The following METTL22 variants were observed in gnomAD, a reference collection of about 807,000 sequenced individuals.
METTL22 encodes methyltransferase 22, Kin17 lysine.
A neutral mutation model predicts 48.4 loss-of-function variants in METTL22; 51 were observed. That is an observed-to-expected ratio of 1.05 (90% CI 0.84 to 1.33). The LOEUF (loss-of-function observed/expected upper bound fraction) is 1.33. METTL22 is among the 40% of genes most tolerant of loss of function. METTL22 has a pLI of 0.00. For missense variants in METTL22, 678 were observed against 526.9 expected (o/e 1.29, Z -2.81); for synonymous variants, 255 against 214.1 (o/e 1.19, Z -1.67).
At chr16:8,632,495 T>A (rs1012064520) in intron 3 of METTL22, among the ~76,000 whole-genome samples, 1 of 152,210 alleles carries the variant, frequency 6.6e-6, no homozygotes, top group African/African-American at 2.4e-5. Context: ...TGTGAGCCAC[T>A]ACCCGGCCAT....
the METTL22 span, among the ~76,000 whole-genome samples, chr16:8,660,899 G>T: frequency 1.4e-5 from 2 of 143,368 alleles, no homozygotes; most frequent in Non-Finnish European, 3.1e-5. Context: ...GGAGGAGGAG[G>T]AGGAGGAGCT....
chr16:8,638,994 A>G, intron 5 of METTL22, 97 bp from the exon 6 acceptor site: 2 of 1,178,382 alleles, frequency 1.7e-6, no homozygotes, highest in Non-Finnish European at 2.5e-6. Context: ...TAATTTCTGC[A>G]GTTGTGCTGT....
intron 10 of METTL22, chr16:8,645,012 C>T (rs2056743239): frequency 4.0e-6 from 1 of 248,876 alleles, no homozygotes; most frequent in Non-Finnish European, 7.6e-6. Flanking sequence ...GGAGGCAAGA[C>T]CGAGGCAGAG....
At chr16:8,649,868 A>G (rs369853146), downstream of METTL22, among the ~76,000 whole-genome samples, 2 of 152,208 alleles carry the variant, frequency 1.3e-5, no homozygotes, top group African/African-American at 2.4e-5. Context: ...TCAAACTAGT[A>G]TGCACACGAA....
At chr16:8,665,551 G>T in the METTL22 span, among the ~76,000 whole-genome samples, 2 of 152,312 alleles carry the variant, frequency 1.3e-5, no homozygotes, top group East Asian at 3.9e-4. Flanking sequence ...GACTTTTCTC[G>T]TAGGACAGGT....
the METTL22 span, among the ~76,000 whole-genome samples, chr16:8,664,411 G>C: frequency 6.6e-6 from 1 of 151,906 alleles, no homozygotes; most frequent in Non-Finnish European, 1.5e-5. Flanking sequence ...CTCCCAAAGT[G>C]TTGGGATTAC....
At chr16:8,653,924 C>T (rs2056930940), downstream of METTL22, among the ~76,000 whole-genome samples, 1 of 152,080 alleles carries the variant, frequency 6.6e-6, no homozygotes, top group East Asian at 1.9e-4. Flanking sequence ...TGTGGAAAGC[C>T]TGACTTCAGA....
intron 2 of METTL22, among the ~76,000 whole-genome samples, chr16:8,628,297 G>A (rs1457131030): frequency 6.6e-6 from 1 of 152,216 alleles, no homozygotes; most frequent in Non-Finnish European, 1.5e-5. Flanking sequence ...ATGAATGAAT[G>A]GATGATCGGA....
rs1172441058 is a variant in METTL22 at position 8,629,004 on chromosome 16, A to C, written c.408A>C (p.Pro136=). ...CACGAGCCGCCTCTGATTCCAACCC[A>C]GCAGGGCCTCTGAGAGACAAGGTAC... The part of the protein sequence containing the change: ...RRPRAASDSN[P]AGPLRDKVHP... Residue 136 remains proline (P), a synonymous_variant, in exon 3 of 11, where the codon CCA becomes CCC. Transcript: ENST00000381920. 2 of 1,614,164 alleles carry C rather than the reference A, an allele frequency of 1.2e-6. No individual in the cohort carries two copies. Among genetic ancestry groups the C allele is most frequent in the Non-Finnish European group, 8.5e-7 (1 of 1,180,044 alleles).
chr16:8,644,768 T>G lies in METTL22; in HGVS notation c.1179+43T>G, dbSNP rs58228844. On this transcript the variant is annotated intron_variant, in intron 10 of 10. Coordinates refer to ENST00000381920, the MANE Select transcript of METTL22 (RefSeq NM_024109.4). ...AGCAGGGCCGTTGGTTGCTTTACTG[T>G]GAAGCGGGTGACTCCAGGGCAAAGA... is the stretch of plus-strand genomic sequence containing the variant. 125 of 1,490,750 alleles carry G rather than the reference T, an allele frequency of 8.4e-5. 1 individual carries two copies. The South Asian group carries it at 1.6e-3, about 19-fold the overall frequency. The allele number at this position is 1,490,750 out of a possible 1,614,324, so 92.3% of individuals were successfully genotyped here. A position where few individuals can be genotyped will look rare whatever the true frequency, so the allele number is the denominator to read the frequency against.
chr16:8,632,752 T>C (rs964306752), intron 3 of METTL22, among the ~76,000 whole-genome samples: 1 of 152,180 alleles, frequency 6.6e-6, no homozygotes, highest in Non-Finnish European at 1.5e-5. Context: ...AAACTGTAGC[T>C]CTGTCTCCAA....
Position 8,629,020 on chromosome 16 carries a change from G to C in METTL22, c.424G>C (p.Asp142His), listed in dbSNP as rs2056162578. ...SDSNPAGPLR[D>H]KVHPMILAQE... is the part of the protein sequence containing the mutation. ...TTCCAACCCAGCAGGGCCTCTGAGA[G>C]ACAAGGTACATCCCATGATTCTAGC... Residue 142 changes from aspartate (D) to histidine (H), a missense_variant, in exon 3 of 11, where the codon GAC becomes CAC. Coordinates refer to ENST00000381920, the MANE Select transcript of METTL22 (RefSeq NM_024109.4). 6.2e-7 allele frequency: 1 copy of C among 1,614,014 alleles called. No homozygotes were observed. Among genetic ancestry groups the C allele is most frequent in the Non-Finnish European group, 8.5e-7 (1 of 1,180,046 alleles).
At chr16:8,654,078 G>T (rs2141839994), downstream of METTL22, among the ~76,000 whole-genome samples, 1 of 152,288 alleles carries the variant, frequency 6.6e-6, no homozygotes, top group Middle Eastern at 3.4e-3. Flanking sequence ...GATCGAGATG[G>T]TGATAGCCAA....
chr16:8,653,692 G>A (rs1036776733), downstream of METTL22, among the ~76,000 whole-genome samples: 8 of 152,174 alleles, frequency 5.3e-5, no homozygotes, highest in African/African-American at 1.9e-4. Context: ...GAGTGGTAAT[G>A]ATTAAAATCC....
At chr16:8,631,942 T>G (rs116029926) in intron 3 of METTL22, 5,487 of 152,422 alleles carry the variant, frequency 0.036, 163 homozygotes, top group African/African-American at 0.076. Context: ...TGCAGCCACC[T>G]GGACCGCGCC....
In METTL22 at chr16:8,638,538, C is replaced by G. The variant is rs368655222; in HGVS notation, c.701-553C>G. 1.4e-3 allele frequency among the ~76,000 whole-genome samples: 208 copies of G among 152,170 alleles called. 9 individuals are homozygous for G. In the South Asian group the frequency reaches 0.038, roughly 28 times the overall value. ...GGGTGGCAGCAAAGTGAATCGCGCT[C>G]AAGAGAGTGGGCTCAGCCTGTTTGA... is the stretch of plus-strand genomic sequence containing the variant. On this transcript the variant is annotated intron_variant, in intron 5 of 10. Transcript: ENST00000381920.
chr16:8,624,511 C>A (rs541793112), intron 1 of METTL22, among the ~76,000 whole-genome samples: 1 of 152,030 alleles, frequency 6.6e-6, no homozygotes, highest in Non-Finnish European at 1.5e-5. Context: ...TCCCAAGTAG[C>A]TGGGACTACC....
At chr16:8,636,783 A>G (rs2056438278) in intron 5 of METTL22, among the ~76,000 whole-genome samples, 1 of 152,128 alleles carries the variant, frequency 6.6e-6, no homozygotes, top group African/African-American at 2.4e-5. Flanking sequence ...ATCGTTGTCT[A>G]ATAACGTGTC....
Position 8,629,094 on chromosome 16 carries a change from C to T in METTL22, c.498C>T (p.His166=), listed in dbSNP as rs774770247. The T allele has an allele frequency of 1.9e-5, 31 of 1,613,006 alleles. No individual in the cohort carries two copies. Among genetic ancestry groups the T allele is most frequent in the South Asian group, 2.2e-5 (2 of 91,070 alleles). ...GAGAGGAAGCACAAGGCAGCCCGCA[C>T]GATATCATCAGAATAGGTAAATAGA... The part of the protein sequence containing the change: ...VLGEEAQGSP[H]DIIRIEHTMA... Residue 166 remains histidine (H), a synonymous_variant, in exon 3 of 11, where the codon CAC becomes CAT. Transcript: ENST00000381920.
Sources: gnomAD v4.1 joint callset for allele counts (sites outside exome capture counted in the v4.1 genomes callset) on GRCh38, gnomAD v4.1.1 for gene constraint, MANE v1.5 for transcripts, NCBI Gene and HGNC (gene_info 2026-07-23, HGNC 2026-07-21) for gene names.